Variants in ZBTB37 observed in about 807,000 individuals in gnomAD.
ZBTB37 encodes the protein zinc finger and BTB domain containing 37.
In ZBTB37, 15 loss-of-function variants were observed where a neutral mutation model predicts 37.7. The observed-to-expected ratio is 0.40, with a 90% CI of 0.27 to 0.61. ZBTB37 has a LOEUF of 0.61. Ranked by LOEUF, ZBTB37 falls within the 20% of genes least tolerant of loss-of-function variation. The pLI is 0.44. For missense variants in ZBTB37, 514 were observed against 641.9 expected (o/e 0.80, Z 2.15); for synonymous variants, 231 against 220.6 (o/e 1.05, Z -0.42).
Position 173,873,132 on chromosome 1 carries a change from T to C in ZBTB37, c.924-335T>C, listed in dbSNP as rs112920289. Among the ~76,000 whole-genome samples the C allele has an allele frequency of 9.4e-3, 1,433 of 152,250 alleles. 20 individuals are homozygous for C. The highest frequency in any genetic ancestry group is 0.031 in the African/African-American group (1,308 of 41,550). On this transcript the variant is annotated intron_variant, in intron 3 of 4. Transcript: ENST00000427304. ...GAAGAAACAGCCAAAAACCTGGTAA[T>C]TACGTAGAAGAAACAAAATTATAGG...
downstream of ZBTB37, chr1:173,889,598 C>G (rs766053713): frequency 2.0e-5 from 3 of 152,170 alleles, no homozygotes; most frequent in Non-Finnish European, 4.4e-5. Flanking sequence ...TCTGTCTGAA[C>G]TCTAATACCA....
chr1:173,886,249 T>C, exon 5 of ZBTB37: 2 of 1,419,292 alleles, frequency 1.4e-6, no homozygotes, highest in Non-Finnish European at 1.9e-6. Flanking sequence ...GCTCCCAAGA[T>C]GTTGCCAAAC....
chr1:173,882,942 G>C (rs1656419174), intron 4 of ZBTB37, among the ~76,000 whole-genome samples: 1 of 152,130 alleles, frequency 6.6e-6, no homozygotes, highest in Non-Finnish European at 1.5e-5. Flanking sequence ...CAGTACTTTA[G>C]TGTATTAACT....
intron 3 of ZBTB37, among the ~76,000 whole-genome samples, chr1:173,873,071 A>T (rs1025122083): frequency 6.6e-6 from 1 of 152,156 alleles, no homozygotes; most frequent in Non-Finnish European, 1.5e-5. Context: ...GATCTATATC[A>T]ATAGTCTAAA....
At chr1:173,890,684 T>A (rs1365948469), downstream of ZBTB37, 1 of 152,212 alleles carries the variant, frequency 6.6e-6, no homozygotes, top group East Asian at 1.9e-4. Context: ...CTTACGGAAT[T>A]AGATCAGGGT....
chr1:173,877,379 T>C (rs1229392741), intron 4 of ZBTB37, among the ~76,000 whole-genome samples: 2 of 146,430 alleles, frequency 1.4e-5, no homozygotes, highest in Non-Finnish European at 3.0e-5. Context: ...CTTTCTTTTT[T>C]TTTTTTTTTT....
chr1:173,870,877 G>A (rs755300931), exon 3 of ZBTB37: 1 of 1,614,230 alleles, frequency 6.2e-7, no homozygotes, highest in South Asian at 1.1e-5. Context: ...CAACCGAGCA[G>A]GACAGTGGTA....
chr1:173,891,417 C>G (rs569463975), downstream of ZBTB37: 6 of 151,372 alleles, frequency 4.0e-5, no homozygotes, highest in East Asian at 1.2e-3. Flanking sequence ...GTTTTTCTTC[C>G]TTTTTTCCTG....
intron 3 of ZBTB37, among the ~76,000 whole-genome samples, chr1:173,871,426 A>G (rs1655551886): frequency 6.6e-6 from 1 of 152,252 alleles, no homozygotes; most frequent in African/African-American, 2.4e-5. Context: ...GGATAGGATC[A>G]GTAATTGCCA....
chr1:173,891,136 CCTTGT>C (rs1656825697), downstream of ZBTB37: 1 of 152,090 alleles, frequency 6.6e-6, no homozygotes, highest in South Asian at 2.1e-4. Flanking sequence ...TGTTGTTTGT[CCTTGT>C]CTTAATGGTG....
At chr1:173,870,610 A>G (rs761418540) in exon 3 of ZBTB37, 1 of 1,614,222 alleles carries the variant, frequency 6.2e-7, no homozygotes, top group South Asian at 1.1e-5. Flanking sequence ...TCATTTCAAA[A>G]TTAATGTGGC....
intron 4 of ZBTB37, 34 bp from the exon 5 acceptor site, chr1:173,885,602 G>C (rs1656579143): frequency 6.7e-7 from 1 of 1,486,402 alleles, no homozygotes; most frequent in East Asian, 2.5e-5. Flanking sequence ...AATAATATTT[G>C]TTCTTTCTTG....
At position 173,875,407 on chromosome 1, in the gene ZBTB37, T is replaced by G. The variant is rs1655905386; in HGVS notation, c.1023+1841T>G. On this transcript the variant is annotated intron_variant, in intron 4 of 4. Transcript: ENST00000427304. ...GTGGTGTGATCTCGGCTCGCTGCAA[T>G]CTCTGCCTCCTGGGTTCAAACGGTT... Among the ~76,000 whole-genome samples, 3 of 149,994 alleles carry G rather than the reference T, an allele frequency of 2.0e-5. No individual in the cohort carries two copies. In the South Asian group the frequency reaches 6.3e-4, roughly 32 times the overall value.
chr1:173,882,303 G>A lies in ZBTB37; in HGVS notation c.1024-3333G>A, dbSNP rs1438679272. 5.0e-5 allele frequency among the ~76,000 whole-genome samples: 7 copies of A among 139,136 alleles called. No individual in the cohort carries two copies. The East Asian group carries it at 9.2e-4, about 18-fold the overall frequency. The allele number at this position is 139,136 out of a possible 152,430, so 91.3% of individuals were successfully genotyped here. ...GTCGTCCAGGCTGGAGTGCAGTGGC[G>A]CAATCTCTGCTCACTGCAAGCTCTG... On this transcript the variant is annotated intron_variant, in intron 4 of 4. Transcript: ENST00000427304.
At position 173,875,310 on chromosome 1, in the gene ZBTB37, A is replaced by G. The variant is rs1478096957; in HGVS notation, c.1023+1744A>G. ...TTTGTAGCATTTTATTTATATATAT[A>G]TGTGTGCATATATATATATATTTTT... On this transcript the variant is annotated intron_variant, in intron 4 of 4. Coordinates refer to ENST00000427304, the Ensembl canonical transcript of ZBTB37. 6.6e-5 allele frequency among the ~76,000 whole-genome samples: 9 copies of G among 137,294 alleles called. No individual in the cohort carries two copies. In the East Asian group the frequency reaches 1.6e-3, roughly 24 times the overall value. 90.1% of individuals were successfully genotyped at this position (137,294 alleles called of 152,430 possible). A position where few individuals can be genotyped will look rare whatever the true frequency, so the allele number is the denominator to read the frequency against.
intron 4 of ZBTB37, among the ~76,000 whole-genome samples, chr1:173,879,141 C>A (rs1557887237): frequency 6.6e-6 from 1 of 151,506 alleles, no homozygotes; most frequent in Non-Finnish European, 1.5e-5. Flanking sequence ...GGCTTCCTGA[C>A]CCCACTTTCT....
chr1:173,869,988 CTT>C (rs1655431878), intron 2 of ZBTB37, among the ~76,000 whole-genome samples: 1 of 152,146 alleles, frequency 6.6e-6, no homozygotes, highest in African/African-American at 2.4e-5. Context: ...CTAAAGATCA[CTT>C]TTTAGTTTTA....
At chr1:173,873,323 C>G in intron 3 of ZBTB37, 144 bp from the exon 4 acceptor site, 1 of 736,590 alleles carries the variant, frequency 1.4e-6, no homozygotes, top group Non-Finnish European at 2.1e-6. Flanking sequence ...TATGTATTAA[C>G]TCCACAAAAC....
chr1:173,875,159 T>TCAC (rs1557885120), intron 4 of ZBTB37, among the ~76,000 whole-genome samples: 6 of 135,568 alleles, frequency 4.4e-5, no homozygotes, highest in South Asian at 2.4e-4. Context: ...TGTGTGTGTG[T>TCAC]GCACGTGTGT....
Sources: gnomAD v4.1 joint callset for allele counts (sites outside exome capture counted in the v4.1 genomes callset) on GRCh38, gnomAD v4.1.1 for gene constraint, MANE v1.5 for transcripts, NCBI Gene and HGNC (gene_info 2026-07-23, HGNC 2026-07-21) for gene names.